Variants in PRKDC observed in about 807,000 individuals in gnomAD.
PRKDC encodes the protein DNA-dependent protein kinase catalytic subunit.
A neutral mutation model predicts 486.9 loss-of-function variants in PRKDC; 82 were observed. The observed-to-expected ratio is 0.17, with a 90% CI of 0.14 to 0.20. PRKDC has a LOEUF of 0.20. Ranked by LOEUF, PRKDC falls within the 10% of genes least tolerant of loss-of-function variation. The pLI is 1.00. For synonymous variants in PRKDC, 1,895 were observed against 1,837.0 expected, an observed-to-expected ratio of 1.03 and a Z score of -0.81; for missense variants, 4,504 against 5,038.2, an observed-to-expected ratio of 0.89 and a Z score of 3.21.
intron 74 of PRKDC, among the ~76,000 whole-genome samples, chr8:47,791,079 T>G (rs1043268176): frequency 1.3e-5 from 2 of 152,112 alleles, no homozygotes; most frequent in African/African-American, 4.8e-5. Flanking sequence ...GAGGATCACA[T>G]CAAGTCAAAA....
At chr8:47,797,519 T>C (rs982807503) in intron 73 of PRKDC, among the ~76,000 whole-genome samples, 1 of 152,204 alleles carries the variant, frequency 6.6e-6, no homozygotes, top group Non-Finnish European at 1.5e-5. Context: ...GCAAAGCTAA[T>C]AGAGAACGAA....
At position 47,773,316 on chromosome 8, in the gene PRKDC, T is replaced by C. The variant is rs2086552836; in HGVS notation, c.*857A>G. The C allele has an allele frequency of 4.4e-6, 1 of 225,942 alleles. No homozygotes were observed. 14.0% of individuals were successfully genotyped at this position (225,942 alleles called of 1,614,324 possible). A position where few individuals can be genotyped will look rare whatever the true frequency, so the allele number is the denominator to read the frequency against. On this transcript the variant is annotated 3_prime_UTR_variant, in exon 86 of 86. Transcript: ENST00000314191. Reference sequence around the variant, plus strand: ...TTTTGTATTCCATAATTTCATCTTGTTGTGCTAGAATGCATGCTTTTTTTC... The same window carrying C: ...TTTTGTATTCCATAATTTCATCTTGCTGTGCTAGAATGCATGCTTTTTTTC...
intron 22 of PRKDC, among the ~76,000 whole-genome samples, 194 bp from the exon 23 acceptor site, chr8:47,915,612 T>C (rs1452844443): frequency 6.6e-6 from 1 of 152,228 alleles, no homozygotes; most frequent in Non-Finnish European, 1.5e-5. Context: ...GTAGGTCCTG[T>C]TTATCAGTAT....
intron 25 of PRKDC, among the ~76,000 whole-genome samples, chr8:47,909,984 C>G (rs1039531632): frequency 2.0e-5 from 3 of 152,132 alleles, no homozygotes; most frequent in African/African-American, 7.2e-5. Flanking sequence ...CTCTGAAGCA[C>G]GTGATCTTTG....
chr8:47,960,012 C>G lies in PRKDC; in HGVS notation c.115G>C (p.Gly39Arg). Residue 39 changes from glycine (G) to arginine (R), a missense_variant, in exon 1 of 86, where the codon GGG becomes CGG. By Grantham distance (125) the Gly-to-Arg change is moderately radical (BLOSUM62 -2). Transcript: ENST00000314191. ...LAGHQLIRGL[G>R]QECVLSSSPA... Reference sequence around the variant, plus strand: ...CTGCTGCTCAGGACGCATTCCTGCCCCAGGCCGCGGATCAGTTGATGACCG... The same window carrying G: ...CTGCTGCTCAGGACGCATTCCTGCCGCAGGCCGCGGATCAGTTGATGACCG... 1 of 1,534,666 alleles carries G rather than the reference C, an allele frequency of 6.5e-7. No homozygotes were observed. Among genetic ancestry groups the G allele is most frequent in the Non-Finnish European group, 8.7e-7 (1 of 1,146,634 alleles).
rs2087018006 is a variant in PRKDC at position 47,798,104 on chromosome 8, T to C, written c.10458+133A>G. 3.1e-6 allele frequency: 3 copies of C among 957,374 alleles called. No individual in the cohort carries two copies. The East Asian group carries it at 8.1e-5, about 26-fold the overall frequency. 59.3% of individuals were successfully genotyped at this position (957,374 alleles called of 1,614,324 possible). A position where few individuals can be genotyped will look rare whatever the true frequency, so the allele number is the denominator to read the frequency against. ...CTTTAAATTACCTATGTCCTCAGAA[T>C]GTAGCAGAATTCACAGCTGGCTGGG... On this transcript the variant is annotated intron_variant, in intron 73 of 85. Transcript: ENST00000314191.
intron 45 of PRKDC, among the ~76,000 whole-genome samples, chr8:47,860,447 G>A (rs1052455360): frequency 1.3e-5 from 2 of 152,218 alleles, no homozygotes; most frequent in African/African-American, 4.8e-5. Flanking sequence ...CTGCAGGGGA[G>A]GGAGTCGGCA....
intron 40 of PRKDC, among the ~76,000 whole-genome samples, chr8:47,875,769 G>A (rs577179176): frequency 1.3e-5 from 2 of 152,246 alleles, no homozygotes; most frequent in East Asian, 3.9e-4. Context: ...CAGAGAACAT[G>A]CTTTGTATGA....
rs2086556773 is a variant in PRKDC at position 47,773,563 on chromosome 8, A to C, written c.*610T>G. On this transcript the variant is annotated 3_prime_UTR_variant, in exon 86 of 86. Transcript: ENST00000314191. ...ATAAAGACGTTTCCTTCTAGAGAGC[A>C]AATCTATCATAAAATGTCAAAACTA... The C allele has an allele frequency of 4.5e-6, 1 of 220,770 alleles. No homozygotes were observed. The highest frequency in any genetic ancestry group is 2.2e-5 in the African/African-American group (1 of 44,762). 13.7% of individuals were successfully genotyped at this position (220,770 alleles called of 1,614,324 possible). A position where few individuals can be genotyped will look rare whatever the true frequency, so the allele number is the denominator to read the frequency against.
chr8:47,780,611 C>T (rs558002581), intron 80 of PRKDC, among the ~76,000 whole-genome samples: 2 of 152,162 alleles, frequency 1.3e-5, no homozygotes, highest in African/African-American at 4.8e-5. Context: ...AAAATTCTCT[C>T]CTCCTAGTTT....
chr8:47,847,427 T>C (rs2088293362), intron 54 of PRKDC, among the ~76,000 whole-genome samples: 2 of 152,146 alleles, frequency 1.3e-5, no homozygotes, highest in African/African-American at 4.8e-5. Context: ...CAATAAATGG[T>C]GCTAACTGGC....
Position 47,849,217 on chromosome 8 carries a change from T to A in PRKDC, c.7217A>T (p.Glu2406Val), listed in dbSNP as rs780478994. ...LCLEVVLCRV[E>V]GMTELYFQLK... ...CTGGAAGTACAGCTCTGTCATTCCCTCCACACGACAAAGTACCACCTCCAG... is the reference window on the plus strand; with the variant it reads ...CTGGAAGTACAGCTCTGTCATTCCCACCACACGACAAAGTACCACCTCCAG... Residue 2406 changes from glutamate (E) to valine (V), a missense_variant, in exon 54 of 86, where the codon GAG (glutamate) becomes GTG (valine). Transcript: ENST00000314191. The A allele has an allele frequency of 1.1e-5, 18 of 1,613,834 alleles. No homozygotes were observed.
At chr8:47,811,416 A>G (rs780238814) in intron 68 of PRKDC, among the ~76,000 whole-genome samples, 3 of 152,228 alleles carry the variant, frequency 2.0e-5, no homozygotes, top group Non-Finnish European at 4.4e-5. Context: ...TGCTAAACGA[A>G]GATTTTTAGG....
At chr8:47,887,474 C>G (rs2089362362) in intron 35 of PRKDC, 73 bp downstream of exon 35, 15 of 1,359,490 alleles carry the variant, frequency 1.1e-5, no homozygotes, top group Non-Finnish European at 1.3e-5. Context: ...TCCACAGTTT[C>G]TAGAGACACC....
intron 13 of PRKDC, 82 bp downstream of exon 13, chr8:47,935,650 G>T: frequency 7.1e-7 from 1 of 1,411,260 alleles, no homozygotes; most frequent in African/African-American, 1.4e-5. Context: ...AAAGAATTTG[G>T]TAACCAGATT....
At chr8:47,959,923 G>C (rs542144612) in intron 1 of PRKDC, 50 bp downstream of exon 1, 1 of 1,517,058 alleles carries the variant, frequency 6.6e-7, no homozygotes, top group Non-Finnish European at 8.8e-7. Flanking sequence ...GCTCCAGAAC[G>C]ACTCGGGAAG....
At chr8:47,925,498 A>T (rs902629328) in intron 21 of PRKDC, among the ~76,000 whole-genome samples, 10 of 152,250 alleles carry the variant, frequency 6.6e-5, no homozygotes, top group African/African-American at 2.2e-4. Context: ...GTTACAACTA[A>T]AAGTAACACA....
chr8:47,866,156 C>CA (rs766279016), intron 40 of PRKDC, among the ~76,000 whole-genome samples: 1,857 of 51,092 alleles, frequency 0.036, 29 homozygotes, highest in African/African-American at 0.051. Context: ...AACTCCGTCG[C>CA]AAAAAAAAAA....
intron 11 of PRKDC, 68 bp from the exon 12 acceptor site, chr8:47,936,585 T>G: frequency 6.5e-7 from 1 of 1,545,378 alleles, no homozygotes; most frequent in Non-Finnish European, 8.8e-7. Flanking sequence ...TAAGGTGTCA[T>G]GTTAAGCCAT....
Sources: allele counts gnomAD v4.1 joint callset (sites outside exome capture counted in the v4.1 genomes callset), GRCh38; gene constraint gnomAD v4.1.1; transcripts MANE v1.5; gene names NCBI Gene and HGNC (gene_info 2026-07-23, HGNC 2026-07-21).